The following NHERF1 variants were observed in gnomAD, a reference collection of about 807,000 sequenced individuals.
NHERF1 encodes the protein Na(+)/H(+) exchange regulatory cofactor NHE-RF1.
chr17:74,761,725 G>C, the NHERF1 span, among the ~76,000 whole-genome samples: 1 of 152,338 alleles, frequency 6.6e-6, no homozygotes, highest in East Asian at 1.9e-4. The surrounding 1 kb of genome is among the most constrained non-coding windows in gnomAD (Gnocchi z 4.3). Context: ...GGACAGGCAT[G>C]TGAGAGCTAA....
At chr17:74,768,817 T>G in the NHERF1 span, 1 of 655,858 alleles carries the variant, frequency 1.5e-6, no homozygotes, top group Non-Finnish European at 2.6e-6. Context: ...TCCCTGACTT[T>G]AGGGAAGGTG....
the NHERF1 span, among the ~76,000 whole-genome samples, chr17:74,758,763 A>G: frequency 6.6e-6 from 1 of 152,152 alleles, no homozygotes; most frequent in South Asian, 2.1e-4. The surrounding 1 kb of genome is among the most constrained non-coding windows in gnomAD (Gnocchi z 4.3). Flanking sequence ...GGCAGAACCC[A>G]GCCCTGCCCC....
At chr17:74,755,002 G>A in the NHERF1 span, among the ~76,000 whole-genome samples, 10 of 152,138 alleles carry the variant, frequency 6.6e-5, no homozygotes, top group South Asian at 2.1e-4. Context: ...TGGCCATGGC[G>A]GGTCCCAGGA....
At chr17:74,762,288 T>C in the NHERF1 span, 1 of 583,486 alleles carries the variant, frequency 1.7e-6, no homozygotes, top group Non-Finnish European at 3.0e-6. The surrounding 1 kb of genome is among the most constrained non-coding windows in gnomAD (Gnocchi z 4.2). Flanking sequence ...ATAGCCAACC[T>C]GGAGCTGCTG....
chr17:74,751,052 G>A, the NHERF1 span, among the ~76,000 whole-genome samples: 8 of 152,204 alleles, frequency 5.3e-5, no homozygotes, highest in African/African-American at 1.9e-4. This position sits in a 1 kb window ranked among gnomAD's most constrained non-coding sequence, Gnocchi z 4.3. Context: ...CAGGACTTCT[G>A]AGTTCTGGTT....
the NHERF1 span, among the ~76,000 whole-genome samples, chr17:74,760,807 GCAGATGGCAGT>G: frequency 6.6e-6 from 1 of 152,240 alleles, no homozygotes; most frequent in East Asian, 1.9e-4. This position sits in a 1 kb window ranked among gnomAD's most constrained non-coding sequence, Gnocchi z 4.5. Context: ...ACCCTGGGAG[GCAGATGGCAGT>G]CAGAATGATC....
chr17:74,748,651 G>C, the NHERF1 span: 1 of 563,290 alleles, frequency 1.8e-6, no homozygotes, highest in Middle Eastern at 2.7e-4. The surrounding 1 kb of genome is among the most constrained non-coding windows in gnomAD (Gnocchi z 4.3). Flanking sequence ...GGCGGGGATT[G>C]GTCTGTGGTC....
the NHERF1 span, among the ~76,000 whole-genome samples, chr17:74,759,134 G>A: frequency 4.6e-5 from 7 of 152,204 alleles, no homozygotes; most frequent in African/African-American, 1.7e-4. Flanking sequence ...CAGGTGCATC[G>A]GAGCTGTCTA....
chr17:74,763,886 C>G, the NHERF1 span, among the ~76,000 whole-genome samples: 1 of 152,250 alleles, frequency 6.6e-6, no homozygotes, highest in Non-Finnish European at 1.5e-5. Context: ...AGGGTTAACT[C>G]CGGGGAGGCC....
At chr17:74,767,887 C>A in the NHERF1 span, 1 of 578,098 alleles carries the variant, frequency 1.7e-6, no homozygotes, top group Non-Finnish European at 3.3e-6. Context: ...GGAGAGGGAG[C>A]GGTTCAGCTA....
At chr17:74,750,783 C>A in the NHERF1 span, among the ~76,000 whole-genome samples, 1 of 148,372 alleles carries the variant, frequency 6.7e-6, no homozygotes, top group Admixed American at 6.7e-5. Flanking sequence ...CCCCACCCCC[C>A]ACAAGTTGCA....
the NHERF1 span, chr17:74,768,195 C>G: frequency 6.2e-7 from 1 of 1,613,596 alleles, no homozygotes; most frequent in African/African-American, 1.3e-5. Flanking sequence ...GAGCCCCAGG[C>G]CAGCCCTGGT....
At chr17:74,752,096 C>G in the NHERF1 span, among the ~76,000 whole-genome samples, 1 of 152,310 alleles carries the variant, frequency 6.6e-6, no homozygotes, top group East Asian at 1.9e-4. Flanking sequence ...GTGGCCAAGC[C>G]TGGCACACAG....
the NHERF1 span, among the ~76,000 whole-genome samples, chr17:74,758,462 G>T: frequency 6.6e-6 from 1 of 152,210 alleles, no homozygotes; most frequent in Non-Finnish European, 1.5e-5. The surrounding 1 kb of genome is among the most constrained non-coding windows in gnomAD (Gnocchi z 4.3). Flanking sequence ...GCCCAGCTGC[G>T]CTGCCCATCG....
chr17:74,765,832 A>G, the NHERF1 span, among the ~76,000 whole-genome samples: 1 of 152,020 alleles, frequency 6.6e-6, no homozygotes, highest in African/African-American at 2.4e-5. Flanking sequence ...GGTCCCAGTC[A>G]TGAGCCACCG....
At chr17:74,758,485 C>T in the NHERF1 span, among the ~76,000 whole-genome samples, 143 of 152,204 alleles carry the variant, frequency 9.4e-4, no homozygotes, top group Non-Finnish European at 1.6e-3. This position sits in a 1 kb window ranked among gnomAD's most constrained non-coding sequence, Gnocchi z 4.3. Flanking sequence ...TGCATGGCCT[C>T]ATGTTCCCTC....
At chr17:74,761,872 C>A in the NHERF1 span, 2 of 793,870 alleles carry the variant, frequency 2.5e-6, no homozygotes, top group Non-Finnish European at 2.1e-6. This position sits in a 1 kb window ranked among gnomAD's most constrained non-coding sequence, Gnocchi z 4.3. Context: ...AGAACCCTCT[C>A]AAATTGCTGT....
the NHERF1 span, among the ~76,000 whole-genome samples, chr17:74,761,487 C>T: frequency 1.3e-5 from 2 of 152,338 alleles, no homozygotes; most frequent in East Asian, 3.9e-4. This position sits in a 1 kb window ranked among gnomAD's most constrained non-coding sequence, Gnocchi z 4.3. Flanking sequence ...GAAGGCTTTA[C>T]TGTAAACACA....
At chr17:74,762,707 A>G in the NHERF1 span, among the ~76,000 whole-genome samples, 210 of 152,048 alleles carry the variant, frequency 1.4e-3, no homozygotes, top group African/African-American at 4.8e-3. This position sits in a 1 kb window ranked among gnomAD's most constrained non-coding sequence, Gnocchi z 4.2. Flanking sequence ...ACAGGTGCCC[A>G]CCACCACGCC....
Sources: allele counts gnomAD v4.1 joint callset (sites outside exome capture counted in the v4.1 genomes callset), GRCh38; gene constraint gnomAD v4.1.1; non-coding constraint Gnocchi (gnomAD v3.1); transcripts MANE v1.5; gene names NCBI Gene and HGNC (gene_info 2026-07-23, HGNC 2026-07-21).